Variants in BCAR3 observed in about 807,000 individuals in gnomAD.
BCAR3 encodes the protein breast cancer anti-estrogen resistance protein 3.
Under a neutral mutation model 80.1 loss-of-function variants are expected in BCAR3, and 37 were observed. That is an observed-to-expected ratio of 0.46 (90% CI 0.36 to 0.61). BCAR3 has a LOEUF of 0.61. Ranked by LOEUF, BCAR3 falls within the 20% of genes least tolerant of loss-of-function variation. The pLI, the probability that BCAR3 is intolerant of heterozygous loss-of-function variation, is 0.00. For synonymous variants in BCAR3, 389 were observed against 418.9 expected (o/e 0.93, Z 0.87); for missense variants, 978 against 1,068.2 (o/e 0.92, Z 1.18).
At chr1:93,584,278 G>A (rs936670530) in intron 5 of BCAR3, among the ~76,000 whole-genome samples, 157 bp from the exon 6 acceptor site, 2 of 152,202 alleles carry the variant, frequency 1.3e-5, no homozygotes, top group Non-Finnish European at 1.5e-5. Context: ...ATGACCGCTG[G>A]AGAAACAAAT....
intron 7 of BCAR3, among the ~76,000 whole-genome samples, chr1:93,580,139 T>C (rs1231410787): frequency 6.6e-6 from 1 of 152,180 alleles, no homozygotes; most frequent in Non-Finnish European, 1.5e-5. Context: ...AGTTCTGTTG[T>C]CAGCAAGGGT....
chr1:93,733,488 G>A (rs1356643716), intron 2 of BCAR3, among the ~76,000 whole-genome samples: 1 of 152,162 alleles, frequency 6.6e-6, no homozygotes, highest in African/African-American at 2.4e-5. Flanking sequence ...GGGCTCTAGC[G>A]GGATATCCCC....
chr1:93,809,724 C>A (rs886537999), intron 2 of BCAR3, among the ~76,000 whole-genome samples: 1 of 145,202 alleles, frequency 6.9e-6, no homozygotes, highest in African/African-American at 2.6e-5. Flanking sequence ...GCCTAGATAG[C>A]GCCTTTGCAC....
Position 93,811,110 on chromosome 1 carries a change from C to G in BCAR3, c.-63+34457G>C, listed in dbSNP as rs12046905. Among the ~76,000 whole-genome samples, 198 of 152,310 alleles carry G rather than the reference C, an allele frequency of 1.3e-3. 1 individual carries two copies. Among genetic ancestry groups the G allele is most frequent in the Admixed American group, 4.8e-3 (73 of 15,304 alleles). ...GAATCCAAGGGCAGGAAGTACAGCT[C>G]GTGAGGGACCAAAGCACAGCCGTGA... On this transcript the variant is annotated intron_variant, in intron 2 of 13. Transcript: ENST00000370244.
intron 2 of BCAR3, among the ~76,000 whole-genome samples, chr1:93,833,165 G>A (rs1211232816): frequency 2.0e-5 from 3 of 152,082 alleles, no homozygotes; most frequent in African/African-American, 7.3e-5. Context: ...ATCACATGTC[G>A]GCAGGTTCCG....
At chr1:93,774,165 C>T (rs946239430) in intron 2 of BCAR3, among the ~76,000 whole-genome samples, 1 of 152,150 alleles carries the variant, frequency 6.6e-6, no homozygotes, top group African/African-American at 2.4e-5. Context: ...ATTGACTTTT[C>T]AAACAGGCAC....
At chr1:93,725,943 C>T (rs1346574260) in intron 2 of BCAR3, among the ~76,000 whole-genome samples, 1 of 152,176 alleles carries the variant, frequency 6.6e-6, no homozygotes, top group Non-Finnish European at 1.5e-5. Flanking sequence ...GTTCCATTGG[C>T]CAGTTTTTCC....
intron 2 of BCAR3, among the ~76,000 whole-genome samples, chr1:93,744,308 C>G (rs2100699733): frequency 6.6e-6 from 1 of 152,266 alleles, no homozygotes; most frequent in South Asian, 2.1e-4. Context: ...CCTGATCAGT[C>G]CCTTTCTTCC....
chr1:93,690,394 A>C (rs1271940688), intron 3 of BCAR3, among the ~76,000 whole-genome samples: 1 of 152,244 alleles, frequency 6.6e-6, no homozygotes, highest in East Asian at 1.9e-4. Context: ...CCCTACATAC[A>C]TTAACTCATT....
chr1:93,584,535 T>G (rs1673863649), intron 5 of BCAR3, among the ~76,000 whole-genome samples: 1 of 152,258 alleles, frequency 6.6e-6, no homozygotes, highest in African/African-American at 2.4e-5. Context: ...ATTTTCCACA[T>G]GCTCCATAGT....
chr1:93,563,187 T>C (rs892579327), intron 11 of BCAR3, among the ~76,000 whole-genome samples: 1 of 152,272 alleles, frequency 6.6e-6, no homozygotes. Flanking sequence ...TCCATCACCT[T>C]AGTACCTCTT....
At chr1:93,645,949 T>C (rs1411890677) in intron 2 of BCAR3, among the ~76,000 whole-genome samples, 1 of 151,798 alleles carries the variant, frequency 6.6e-6, no homozygotes, top group African/African-American at 2.4e-5. Context: ...AACATGTTAT[T>C]AAGAATTTTT....
At chr1:93,734,177 T>C (rs1222502205) in intron 2 of BCAR3, among the ~76,000 whole-genome samples, 4 of 152,246 alleles carry the variant, frequency 2.6e-5, no homozygotes. Context: ...ATTTGTGAAG[T>C]ATGCAAGAGT....
intron 9 of BCAR3, chr1:93,571,391 T>C (rs1236032073): frequency 5.2e-6 from 2 of 385,140 alleles, no homozygotes; most frequent in South Asian, 2.3e-5. Flanking sequence ...TCCCAGCTAC[T>C]TGAGGCTGAG....
At chr1:93,803,081 C>A (rs930934169) in intron 2 of BCAR3, among the ~76,000 whole-genome samples, 4 of 152,152 alleles carry the variant, frequency 2.6e-5, no homozygotes, top group Admixed American at 6.5e-5. Context: ...TTATGAGCAT[C>A]CCCTGCAGGA....
intron 3 of BCAR3, among the ~76,000 whole-genome samples, chr1:93,610,120 A>G (rs1157658056): frequency 1.3e-5 from 2 of 152,256 alleles, no homozygotes; most frequent in African/African-American, 4.8e-5. Context: ...CATCCGAGGT[A>G]CCACAACCGG....
chr1:93,671,628 G>C (rs549393861), intron 2 of BCAR3, among the ~76,000 whole-genome samples: 1 of 152,338 alleles, frequency 6.6e-6, no homozygotes, highest in African/African-American at 2.4e-5. Flanking sequence ...CTTTCAACTG[G>C]AAGAGTTGAA....
At chr1:93,778,225 C>T (rs1652643539) in intron 2 of BCAR3, among the ~76,000 whole-genome samples, 1 of 152,176 alleles carries the variant, frequency 6.6e-6, no homozygotes, top group Admixed American at 6.5e-5. Context: ...GGGGCATGGA[C>T]TGCATTTGAC....
intron 2 of BCAR3, among the ~76,000 whole-genome samples, chr1:93,669,854 A>G (rs1009567756): frequency 6.6e-6 from 1 of 152,224 alleles, no homozygotes; most frequent in African/African-American, 2.4e-5. Context: ...ACCAAACATC[A>G]TATGTTCTCA....
Sources: gnomAD v4.1 joint callset for allele counts (sites outside exome capture counted in the v4.1 genomes callset) on GRCh38, gnomAD v4.1.1 for gene constraint, MANE v1.5 for transcripts, NCBI Gene and HGNC (gene_info 2026-07-23, HGNC 2026-07-21) for gene names.